ERBB4: variants seen among roughly 807,000 people sequenced by gnomAD.
ERBB4 encodes erb-b2 receptor tyrosine kinase 4.
A neutral mutation model predicts 158.0 loss-of-function variants in ERBB4; 42 were observed. The observed-to-expected ratio is 0.27, with a 90% CI of 0.21 to 0.34. The LOEUF is 0.34. Ranked by LOEUF, ERBB4 falls within the 10% of genes least tolerant of loss-of-function variation. The probability of loss-of-function intolerance (pLI) is 1.00; values close to 1 mark genes in which losing one functional copy is unlikely to be tolerated. For synonymous variants in ERBB4, 583 were observed against 558.7 expected (o/e 1.04, Z -0.61); for missense variants, 1,333 against 1,624.1 (o/e 0.82, Z 3.08).
chr2:211,845,351 C>T (rs2077563933), intron 3 of ERBB4, among the ~76,000 whole-genome samples: 1 of 151,772 alleles, frequency 6.6e-6, no homozygotes, highest in Non-Finnish European at 1.5e-5. Flanking sequence ...CTTCTTTGTT[C>T]AGTAAAGCCA....
At chr2:211,673,517 C>CAAAAAAAGAAAAAAAAAAAAAAAAAA (rs2071927679) in intron 13 of ERBB4, among the ~76,000 whole-genome samples, 1 of 54,090 alleles carries the variant, frequency 1.8e-5, no homozygotes, top group Non-Finnish European at 4.1e-5. Context: ...CCAGCAATCT[C>CAAAAAAAGAAAAAAAAAAAAAAAAAA]AAAAAAAAAA....
intron 19 of ERBB4, among the ~76,000 whole-genome samples, chr2:211,595,747 A>G (rs1289888197): frequency 6.6e-6 from 1 of 152,178 alleles, no homozygotes; most frequent in Non-Finnish European, 1.5e-5. Context: ...CAGGTTTCAC[A>G]TATGCAACTA....
intron 19 of ERBB4, among the ~76,000 whole-genome samples, chr2:211,569,697 G>A (rs2067656943): frequency 6.6e-6 from 1 of 152,156 alleles, no homozygotes; most frequent in African/African-American, 2.4e-5. Flanking sequence ...TAAGAGTCTG[G>A]CATATTTTGG....
At chr2:211,930,598 G>T (rs1353273786) in intron 3 of ERBB4, among the ~76,000 whole-genome samples, 3 of 152,050 alleles carry the variant, frequency 2.0e-5, no homozygotes, top group Admixed American at 1.3e-4. Context: ...CACTGACAGA[G>T]ACCCAGCCGT....
At chr2:212,489,434 C>T (rs1690153864) in intron 1 of ERBB4, among the ~76,000 whole-genome samples, 1 of 151,908 alleles carries the variant, frequency 6.6e-6, no homozygotes, top group Admixed American at 6.6e-5. Flanking sequence ...TTTTCTATTG[C>T]TCACTCCCCC....
chr2:212,332,044 G>A (rs2088202662), intron 1 of ERBB4, among the ~76,000 whole-genome samples: 1 of 151,984 alleles, frequency 6.6e-6, no homozygotes, highest in Non-Finnish European at 1.5e-5. Flanking sequence ...AGTATAGTTT[G>A]TCTCCTCAGT....
chr2:212,307,529 T>C (rs1445409878), intron 1 of ERBB4, among the ~76,000 whole-genome samples: 1 of 151,196 alleles, frequency 6.6e-6, no homozygotes, highest in East Asian at 2.0e-4. Context: ...CAATATTAGA[T>C]TGCTGTTCTG....
chr2:211,893,496 A>C (rs377603626), intron 3 of ERBB4, among the ~76,000 whole-genome samples: 3 of 141,164 alleles, frequency 2.1e-5, no homozygotes, highest in African/African-American at 8.6e-5. Flanking sequence ...GGACATAGGC[A>C]TGGGCAAGGA....
chr2:212,260,280 G>A (rs1047565260), intron 1 of ERBB4, among the ~76,000 whole-genome samples: 3 of 152,082 alleles, frequency 2.0e-5, no homozygotes, highest in African/African-American at 7.2e-5. Flanking sequence ...TATTTGCAGA[G>A]GAGGAAAAGA....
At chr2:212,030,298 C>T (rs1014636856) in intron 2 of ERBB4, among the ~76,000 whole-genome samples, 1 of 152,062 alleles carries the variant, frequency 6.6e-6, no homozygotes, top group Non-Finnish European at 1.5e-5. Flanking sequence ...CTGCACCAGC[C>T]GTCTAACTAG....
intron 10 of ERBB4, among the ~76,000 whole-genome samples, chr2:211,704,960 T>C (rs1361278753): frequency 6.6e-6 from 1 of 152,112 alleles, no homozygotes; most frequent in Non-Finnish European, 1.5e-5. Context: ...TTTGTTTTGT[T>C]TTTTGTTGTT....
At chr2:212,470,042 A>AT in intron 1 of ERBB4, among the ~76,000 whole-genome samples, 1 of 152,282 alleles carries the variant, frequency 6.6e-6, no homozygotes, top group African/African-American at 2.4e-5. Context: ...TCTATTGTAC[A>AT]TACAGTCTTC....
chr2:211,614,835 A>C (rs1337164873), intron 19 of ERBB4, among the ~76,000 whole-genome samples: 1 of 152,090 alleles, frequency 6.6e-6, no homozygotes, highest in African/African-American at 2.4e-5. Context: ...AAACATACAA[A>C]GACTATTCAC....
chr2:212,379,415 T>A (rs1574810350), intron 1 of ERBB4, among the ~76,000 whole-genome samples: 1 of 151,470 alleles, frequency 6.6e-6, no homozygotes, highest in Admixed American at 6.6e-5. Flanking sequence ...TAAGAAAAAA[T>A]TTGTAATGTA....
intron 4 of ERBB4, chr2:211,778,427 A>T (rs2075945373): frequency 6.6e-6 from 1 of 151,796 alleles, no homozygotes; most frequent in Admixed American, 6.6e-5. Flanking sequence ...CAGATCTACA[A>T]TGTTATTGTT....
chr2:212,019,983 T>C (rs1167624562), intron 2 of ERBB4, among the ~76,000 whole-genome samples: 3 of 152,012 alleles, frequency 2.0e-5, no homozygotes, highest in Non-Finnish European at 4.4e-5. Flanking sequence ...TTTATAATTA[T>C]AAGAAAAAAC....
At chr2:211,692,726 T>C (rs2072870221) in intron 12 of ERBB4, among the ~76,000 whole-genome samples, 1 of 152,134 alleles carries the variant, frequency 6.6e-6, no homozygotes, top group South Asian at 2.1e-4. Flanking sequence ...TGTAACCCAC[T>C]CAAATAACTT....
intron 19 of ERBB4, among the ~76,000 whole-genome samples, chr2:211,587,191 T>C (rs1435705098): frequency 7.0e-6 from 1 of 142,770 alleles, no homozygotes; most frequent in East Asian, 2.0e-4. Flanking sequence ...AATCTCTACT[T>C]ACAAAAAAAA....
intron 2 of ERBB4, among the ~76,000 whole-genome samples, chr2:212,067,218 A>C (rs2077972473): frequency 6.6e-6 from 1 of 152,004 alleles, no homozygotes; most frequent in African/African-American, 2.4e-5. Flanking sequence ...TTATATGCAT[A>C]AGTTCAGTAA....
Sources: allele counts gnomAD v4.1 joint callset (sites outside exome capture counted in the v4.1 genomes callset), GRCh38; gene constraint gnomAD v4.1.1; transcripts MANE v1.5; gene names NCBI Gene and HGNC (gene_info 2026-07-23, HGNC 2026-07-21).